GNAQ: variants seen among roughly 807,000 people sequenced by gnomAD.
GNAQ encodes guanine nucleotide-binding protein G(q) subunit alpha.
GNAQ carries 8 observed loss-of-function variants against 43.9 expected under a neutral mutation model. The observed-to-expected ratio is 0.18, with a 90% CI of 0.11 to 0.33. The LOEUF is 0.33. Ranked by LOEUF, GNAQ falls within the 10% of genes least tolerant of loss-of-function variation. The pLI, the probability that GNAQ is intolerant of heterozygous loss-of-function variation, is 1.00. For missense variants in GNAQ, 158 were observed against 450.8 expected (o/e 0.35, Z 5.88); for synonymous variants, 155 against 170.7 (o/e 0.91, Z 0.71).
At chr9:78,020,256 C>T (rs1014789469) in intron 1 of GNAQ, among the ~76,000 whole-genome samples, 7 of 152,158 alleles carry the variant, frequency 4.6e-5, no homozygotes, top group African/African-American at 1.7e-4. Flanking sequence ...CATCTCATAA[C>T]ACATCACAGG....
chr9:77,730,880 G>T (rs1825477253), intron 5 of GNAQ, among the ~76,000 whole-genome samples: 1 of 152,098 alleles, frequency 6.6e-6, no homozygotes, highest in Non-Finnish European at 1.5e-5. Flanking sequence ...GCTTTAATAA[G>T]AACTGAAATA....
chr9:77,984,954 T>C (rs939361369), intron 1 of GNAQ, among the ~76,000 whole-genome samples: 2 of 152,166 alleles, frequency 1.3e-5, no homozygotes, highest in Non-Finnish European at 2.9e-5. Context: ...ATCCTGATAC[T>C]ATGGCAAGGA....
chr9:77,821,631 G>C (rs1351627508), intron 2 of GNAQ, among the ~76,000 whole-genome samples: 2 of 151,564 alleles, frequency 1.3e-5, no homozygotes, highest in Non-Finnish European at 2.9e-5. Flanking sequence ...CTGCCTTCAG[G>C]TCTATAAAAT....
intron 5 of GNAQ, among the ~76,000 whole-genome samples, chr9:77,781,747 T>C (rs1292214305): frequency 2.0e-5 from 3 of 151,918 alleles, no homozygotes; most frequent in African/African-American, 7.2e-5. Context: ...CACAGGTCAA[T>C]AGGCTAAGAA....
chr9:77,884,765 G>T (rs529947459), intron 2 of GNAQ, among the ~76,000 whole-genome samples: 1 of 152,278 alleles, frequency 6.6e-6, no homozygotes, highest in African/African-American at 2.4e-5. Flanking sequence ...GTTTCAATCA[G>T]CATTCCCTTA....
intron 2 of GNAQ, among the ~76,000 whole-genome samples, chr9:77,919,532 A>G (rs1828965007): frequency 6.6e-6 from 1 of 152,166 alleles, no homozygotes; most frequent in South Asian, 2.1e-4. Flanking sequence ...AGGAGTAGAC[A>G]TGATGTCCTT....
At chr9:77,888,828 C>T (rs1029722218) in intron 2 of GNAQ, among the ~76,000 whole-genome samples, 5 of 150,754 alleles carry the variant, frequency 3.3e-5, no homozygotes, top group African/African-American at 1.2e-4. Flanking sequence ...CTAGCAAAGT[C>T]CCTTGAGTGT....
chr9:77,912,584 A>C (rs745737525), intron 2 of GNAQ, among the ~76,000 whole-genome samples: 2 of 152,202 alleles, frequency 1.3e-5, no homozygotes, highest in Non-Finnish European at 2.9e-5. Flanking sequence ...CTTTCACTGA[A>C]AGAACCATTA....
chr9:77,832,637 A>C (rs1425439451), intron 2 of GNAQ, among the ~76,000 whole-genome samples: 1 of 152,216 alleles, frequency 6.6e-6, no homozygotes, highest in Non-Finnish European at 1.5e-5. Context: ...CCTTCTCATT[A>C]AGGTTAACTG....
intron 1 of GNAQ, among the ~76,000 whole-genome samples, chr9:77,979,316 A>G (rs1823340501): frequency 6.6e-6 from 1 of 150,810 alleles, no homozygotes; most frequent in African/African-American, 2.4e-5. Flanking sequence ...AGATGGCGCC[A>G]TTGCACTCCA....
intron 1 of GNAQ, among the ~76,000 whole-genome samples, chr9:77,937,463 T>C (rs967573083): frequency 1.3e-5 from 2 of 152,020 alleles, no homozygotes; most frequent in Non-Finnish European, 2.9e-5. Context: ...ATAAATAAAA[T>C]GTAGAGTTCA....
intron 3 of GNAQ, among the ~76,000 whole-genome samples, chr9:77,812,986 C>A (rs1452939321): frequency 6.6e-6 from 1 of 151,856 alleles, no homozygotes; most frequent in African/African-American, 2.4e-5. Flanking sequence ...GATCTTGGCT[C>A]ACCGCAACCT....
At chr9:77,901,825 G>A (rs1671897229) in intron 2 of GNAQ, among the ~76,000 whole-genome samples, 2 of 152,170 alleles carry the variant, frequency 1.3e-5, no homozygotes, top group African/African-American at 4.8e-5. Context: ...GGAAGTTCAT[G>A]ATCAAGGCAC....
At chr9:77,825,400 G>T (rs952132405) in intron 2 of GNAQ, among the ~76,000 whole-genome samples, 1 of 152,130 alleles carries the variant, frequency 6.6e-6, no homozygotes, top group Non-Finnish European at 1.5e-5. Flanking sequence ...CCTACTCACA[G>T]AAGTGTGGTG....
chr9:77,938,055 AG>A (rs778190099), intron 1 of GNAQ, among the ~76,000 whole-genome samples: 3 of 152,066 alleles, frequency 2.0e-5, no homozygotes, highest in Non-Finnish European at 4.4e-5. Flanking sequence ...GCAGATGCTT[AG>A]GGGCCCCATA....
Position 77,868,998 on chromosome 9 carries a change from G to C in GNAQ, c.321+53163C>G, listed in dbSNP as rs190876504. On this transcript the variant is annotated intron_variant, in intron 2 of 6. Coordinates refer to ENST00000286548, the MANE Select transcript of GNAQ (RefSeq NM_002072.5). ...CAAGACTCTGTCTTGCGGGGGAGGG[G>C]GGAAGAAATATAAATGCTAAACACC... Among the ~76,000 whole-genome samples the C allele has an allele frequency of 3.9e-3, 592 of 152,070 alleles. 2 individuals are homozygous for C. The highest frequency in any genetic ancestry group is 0.013 in the African/African-American group (554 of 41,492).
intron 1 of GNAQ, among the ~76,000 whole-genome samples, chr9:78,018,423 T>C (rs1233883305): frequency 2.6e-5 from 4 of 152,204 alleles, no homozygotes; most frequent in Non-Finnish European, 4.4e-5. Flanking sequence ...ATGAATATTT[T>C]AAAAAGTTTT....
At chr9:77,750,023 A>C (rs1825788092) in intron 5 of GNAQ, among the ~76,000 whole-genome samples, 1 of 152,300 alleles carries the variant, frequency 6.6e-6, no homozygotes, top group Admixed American at 6.5e-5. Flanking sequence ...TGGGCTAAAA[A>C]GTCTCTGTGG....
At chr9:77,810,399 G>T (rs74817409) in intron 3 of GNAQ, among the ~76,000 whole-genome samples, 1,910 of 152,272 alleles carry the variant, frequency 0.013, 34 homozygotes, top group African/African-American at 0.037. Flanking sequence ...AAATTATTCA[G>T]TCTGAATCCT....
Sources: allele counts gnomAD v4.1 joint callset (sites outside exome capture counted in the v4.1 genomes callset), GRCh38; gene constraint gnomAD v4.1.1; transcripts MANE v1.5; gene names NCBI Gene and HGNC (gene_info 2026-07-23, HGNC 2026-07-21).